TEK: variants seen among roughly 807,000 people sequenced by gnomAD.
TEK encodes the protein angiopoietin-1 receptor.
Under a neutral mutation model 131.8 loss-of-function variants are expected in TEK, and 43 were observed. The observed-to-expected ratio is 0.33, with a 90% CI of 0.26 to 0.42. TEK has a LOEUF of 0.42. Among genes scored for constraint, TEK ranks in the 10% least tolerant of loss-of-function variants. TEK has a pLI of 1.00. For synonymous variants in TEK, 580 were observed against 491.6 expected, an observed-to-expected ratio of 1.18 and a Z score of -2.38; for missense variants, 1,162 against 1,384.4, an observed-to-expected ratio of 0.84 and a Z score of 2.55.
At chr9:27,116,529 T>C (rs1281140341) in intron 1 of TEK, among the ~76,000 whole-genome samples, 1 of 152,162 alleles carries the variant, frequency 6.6e-6, no homozygotes, top group East Asian at 1.9e-4. Flanking sequence ...ATGATCCACC[T>C]GCCTTGGCCT....
In TEK at chr9:27,191,591, G is replaced by GAA. The variant is rs11372025; in HGVS notation, c.1490-888_1490-887dup. Among the ~76,000 whole-genome samples, 534 of 146,674 alleles carry GAA rather than the reference G, an allele frequency of 3.6e-3. 6 individuals are homozygous for GAA. The highest frequency in any genetic ancestry group is 0.011 in the African/African-American group (434 of 40,186). On this transcript the variant is annotated intron_variant, in intron 10 of 22. Coordinates refer to ENST00000380036, the MANE Select transcript of TEK (RefSeq NM_000459.5). ...TATGGAGATAATTAAGAAAACTATG[G>GAA]AAAAAAAAAAAGAGAAGAGGAGGAG... is the stretch of plus-strand genomic sequence containing the variant.
chr9:27,198,009 G>C lies in TEK; in HGVS notation c.1909+410G>C, dbSNP rs188697513. Among the ~76,000 whole-genome samples, 290 of 152,138 alleles carry C rather than the reference G, an allele frequency of 1.9e-3. 1 individual carries two copies. The highest frequency in any genetic ancestry group is 3.4e-3 in the Non-Finnish European group (233 of 68,010). On this transcript the variant is annotated intron_variant, in intron 12 of 22. Transcript: ENST00000380036. ...CTTTGCTTGAAACCCCTTGAAAACA[G>C]GTAATTTTAAAAGTTAAAAGATTTA...
chr9:27,221,274 G>A (rs1826066202), intron 21 of TEK, among the ~76,000 whole-genome samples: 2 of 152,228 alleles, frequency 1.3e-5, no homozygotes, highest in Admixed American at 1.3e-4. Context: ...GCCACAGCCA[G>A]GGGCTTATAG....
intron 18 of TEK, among the ~76,000 whole-genome samples, chr9:27,216,381 A>AAAAT (rs1317454368): frequency 6.6e-6 from 1 of 152,168 alleles, no homozygotes; most frequent in Admixed American, 6.5e-5. Context: ...GTCAAATAAA[A>AAAAT]AAATAAATGA....
chr9:27,224,791 C>T (rs1373798558), intron 21 of TEK, among the ~76,000 whole-genome samples: 2 of 152,090 alleles, frequency 1.3e-5, no homozygotes, highest in African/African-American at 4.8e-5. Flanking sequence ...AAAGGGCATT[C>T]AAATAGGAAG....
intron 1 of TEK, among the ~76,000 whole-genome samples, chr9:27,146,720 ATTTTTT>A (rs34727945): frequency 1.8e-5 from 2 of 113,680 alleles, no homozygotes; most frequent in Admixed American, 1.0e-4. Flanking sequence ...TAAACATTCT[ATTTTTT>A]TTTTTTTTTT....
Position 27,205,031 on chromosome 9 carries a change from T to A in TEK, c.2330T>A (p.Val777Glu), listed in dbSNP as rs555137213. The stretch of plus-strand genomic sequence containing the variant: ...ATATTGCAATTGAAGAGGGCAAATG[T>A]GCAAAGGAGAATGGCCCAAGCCTTC... The part of the protein sequence containing the change: ...LIILQLKRAN[V>E]QRRMAQAFQN... Residue 777 changes from valine (V) to glutamate (E), a missense_variant, in exon 14 of 23, where the codon GTG becomes GAG. By Grantham distance (121) the Val-to-Glu change is moderately radical (BLOSUM62 -2). Around this residue, in one of 6 missense-constraint regions of TEK, gnomAD observed 477 missense variants for 471.0 expected, o/e 1.01. Transcript: ENST00000380036. 1 of 1,614,062 alleles carries A rather than the reference T, an allele frequency of 6.2e-7. No individual in the cohort carries two copies. The highest frequency in any genetic ancestry group is 1.3e-5 in the African/African-American group (1 of 75,040).
chr9:27,192,822 G>A (rs1449927318), intron 11 of TEK, among the ~76,000 whole-genome samples, 199 bp downstream of exon 11: 2 of 152,142 alleles, frequency 1.3e-5, no homozygotes, highest in African/African-American at 4.8e-5. Context: ...TATTTGGGTT[G>A]GACTCCTGGT....
At chr9:27,196,268 A>G (rs1264553058) in intron 11 of TEK, among the ~76,000 whole-genome samples, 1 of 151,998 alleles carries the variant, frequency 6.6e-6, no homozygotes, top group Non-Finnish European at 1.5e-5. Context: ...CTAGTTATCT[A>G]TTTTTCCACT....
chr9:27,224,235 G>C (rs1826212858), intron 21 of TEK, among the ~76,000 whole-genome samples: 1 of 146,646 alleles, frequency 6.8e-6, no homozygotes. Context: ...AATAGAAAAA[G>C]AGGGATCTTT....
intron 21 of TEK, 23 bp downstream of exon 21, chr9:27,220,168 G>T: frequency 1.2e-6 from 2 of 1,611,818 alleles, no homozygotes; most frequent in South Asian, 1.1e-5. Context: ...TCATCCTGGG[G>T]CTATTTTGTC....
intron 6 of TEK, among the ~76,000 whole-genome samples, chr9:27,178,303 T>A (rs1824242699): frequency 6.6e-6 from 1 of 152,134 alleles, no homozygotes. Context: ...CTGTCAATTC[T>A]GTTCCGTTGG....
In TEK at chr9:27,212,801, C is replaced by A. The variant is rs774327616; in HGVS notation, c.2781C>A (p.Ala927=). ...TGCTGGAGACGGACCCAGCATTTGC[C>A]ATTGCCAATAGCACCGCGTCCACAC... ...SRVLETDPAF[A]IANSTASTLS... Residue 927 remains alanine (A), a synonymous_variant, in exon 17 of 23, where the codon GCC becomes GCA. Coordinates refer to ENST00000380036, the MANE Select transcript of TEK (RefSeq NM_000459.5). 19 of 1,614,090 alleles carry A rather than the reference C, an allele frequency of 1.2e-5. No individual in the cohort carries two copies. Among genetic ancestry groups the A allele is most frequent in the Non-Finnish European group, 1.6e-5 (19 of 1,179,998 alleles).
chr9:27,129,807 G>C (rs1410415213), intron 1 of TEK, among the ~76,000 whole-genome samples: 1 of 152,088 alleles, frequency 6.6e-6, no homozygotes, highest in East Asian at 1.9e-4. Context: ...AATTTCTAAA[G>C]ACCCTAGACC....
At chr9:27,155,531 A>G (rs964735200) in intron 1 of TEK, among the ~76,000 whole-genome samples, 15 of 152,240 alleles carry the variant, frequency 9.9e-5, no homozygotes, top group Non-Finnish European at 2.9e-5. Context: ...ATTTGTACCA[A>G]GATTATCCTC....
chr9:27,225,758 C>G (rs140596592), intron 21 of TEK, among the ~76,000 whole-genome samples: 60,264 of 151,948 alleles, frequency 0.4, 12,791 homozygotes, highest in African/African-American at 0.55. Flanking sequence ...AAACTAAAGA[C>G]CTTCTGCACA....
chr9:27,229,100 C>T (rs760380528), intron 22 of TEK, 58 bp from the exon 23 acceptor site: 37 of 1,521,894 alleles, frequency 2.4e-5, no homozygotes, highest in African/African-American at 1.1e-4. Context: ...CTGTAACTGC[C>T]GCTGGCAGAG....
At chr9:27,211,607 T>G (rs1825634995) in intron 16 of TEK, among the ~76,000 whole-genome samples, 1 of 151,980 alleles carries the variant, frequency 6.6e-6, no homozygotes, top group Admixed American at 6.6e-5. Context: ...ACTACAGGGA[T>G]GCACCACCAT....
intron 2 of TEK, among the ~76,000 whole-genome samples, chr9:27,161,044 C>T (rs574739517): frequency 1.3e-5 from 2 of 152,216 alleles, no homozygotes; most frequent in Non-Finnish European, 2.9e-5. Context: ...TGTGTCCTTG[C>T]TGTACTGTCC....
Sources: allele counts gnomAD v4.1 joint callset (sites outside exome capture counted in the v4.1 genomes callset), GRCh38; gene constraint gnomAD v4.1.1; regional missense constraint gnomAD v4.1.1; transcripts MANE v1.5; gene names NCBI Gene and HGNC (gene_info 2026-07-23, HGNC 2026-07-21).